The following PREX2 variants were observed in gnomAD, a reference collection of about 807,000 sequenced individuals.
The protein encoded by PREX2 is phosphatidylinositol 3,4,5-trisphosphate-dependent Rac exchanger 2 protein.
A neutral mutation model predicts 203.2 loss-of-function variants in PREX2; 107 were observed. The observed-to-expected ratio is 0.53, with a 90% CI of 0.45 to 0.62. PREX2 has a LOEUF of 0.62. PREX2 is among the 20% of genes least tolerant of loss of function. The probability of loss-of-function intolerance (pLI) is 0.00; values close to 1 mark genes in which losing one functional copy is unlikely to be tolerated. For synonymous variants in PREX2, 672 were observed against 663.6 expected (o/e 1.01, Z -0.19); for missense variants, 1,777 against 1,955.9 (o/e 0.91, Z 1.72).
chr8:68,080,569 T>C lies in PREX2; in HGVS notation c.1769T>C (p.Ile590Thr). ...KHDLKVVENVIAKSLLIKSNE... is the reference protein window; with the variant it reads ...KHDLKVVENVTAKSLLIKSNE... The stretch of plus-strand genomic sequence containing the variant: ...GACTTAAAAGTTGTGGAAAATGTTA[T>C]AGCTAAGTCATTATTGGTAAGTTTA... The change falls in exon 16 of 40, where the codon ATA becomes ACA. Residue 590 changes from isoleucine (I) to threonine (T), a missense_variant. Coordinates refer to ENST00000288368, the MANE Select transcript of PREX2 (RefSeq NM_024870.4). 2 of 1,604,184 alleles carry C rather than the reference T, an allele frequency of 1.2e-6. No homozygotes were observed. Among genetic ancestry groups the C allele is most frequent in the Non-Finnish European group, 1.7e-6 (2 of 1,173,064 alleles).
At chr8:68,203,195 G>A (rs1435882198) in intron 37 of PREX2, among the ~76,000 whole-genome samples, 3 of 152,272 alleles carry the variant, frequency 2.0e-5, no homozygotes, top group South Asian at 2.1e-4. Flanking sequence ...AAGAATTAGT[G>A]CTTTACCAGC....
At chr8:68,211,188 C>A (rs549712944) in intron 37 of PREX2, among the ~76,000 whole-genome samples, 1 of 152,262 alleles carries the variant, frequency 6.6e-6, no homozygotes, top group African/African-American at 2.4e-5. Context: ...CCTGAAAAAA[C>A]AATCACAAAG....
intron 35 of PREX2, among the ~76,000 whole-genome samples, chr8:68,167,162 G>GA (rs1272499962): frequency 6.6e-6 from 1 of 151,930 alleles, no homozygotes; most frequent in Non-Finnish European, 1.5e-5. Context: ...TTTAAGCCAC[G>GA]ATTCACACTG....
intron 1 of PREX2, among the ~76,000 whole-genome samples, chr8:68,007,849 T>A (rs907402202): frequency 6.6e-5 from 10 of 152,198 alleles, no homozygotes; most frequent in Non-Finnish European, 1.3e-4. Flanking sequence ...GACCTCATGA[T>A]CCGCCCACCT....
chr8:68,068,979 AT>A, intron 11 of PREX2, 53 bp from the exon 12 acceptor site: 1 of 694,958 alleles, frequency 1.4e-6, no homozygotes, highest in Non-Finnish European at 2.3e-6. Context: ...TTTGCTGTTT[AT>A]CTGCCCCCTT....
At chr8:67,959,406 A>G (rs145896646) in intron 1 of PREX2, among the ~76,000 whole-genome samples, 521 of 152,258 alleles carry the variant, frequency 3.4e-3, no homozygotes, top group African/African-American at 0.012. Context: ...TGGATAAACT[A>G]TTCAAGGAGT....
chr8:68,031,029 A>G (rs561741404), intron 6 of PREX2, among the ~76,000 whole-genome samples: 73 of 152,264 alleles, frequency 4.8e-4, no homozygotes, highest in African/African-American at 1.5e-3. Flanking sequence ...GTGTGCTGTG[A>G]TATTACTTTC....
At chr8:68,055,624 G>C (rs1808653283) in intron 9 of PREX2, among the ~76,000 whole-genome samples, 1 of 152,094 alleles carries the variant, frequency 6.6e-6, no homozygotes, top group African/African-American at 2.4e-5. Context: ...TTTGCACAAA[G>C]GTGACATATA....
At chr8:68,085,544 T>A (rs1809655543) in intron 18 of PREX2, among the ~76,000 whole-genome samples, 1 of 152,198 alleles carries the variant, frequency 6.6e-6, no homozygotes, top group African/African-American at 2.4e-5. Context: ...CTATATTTCA[T>A]ACTTGATAGC....
chr8:68,205,098 G>A (rs1046478828), intron 37 of PREX2, among the ~76,000 whole-genome samples: 2 of 152,166 alleles, frequency 1.3e-5, no homozygotes, highest in Non-Finnish European at 2.9e-5. Flanking sequence ...TTTAACAAGA[G>A]TCAAATGATC....
rs558868045 is a variant in PREX2, at chr8:68,104,254, C to T, written c.2716-3855C>T. On this transcript the variant is annotated intron_variant, in intron 23 of 39. Transcript: ENST00000288368. ...TGGTATCTTTGCTGCTACCGACCAA[C>T]CCACAGTTGTCCTGAGTGGCTGTAC... Among the ~76,000 whole-genome samples, 16 of 152,320 alleles carry T rather than the reference C, an allele frequency of 1.1e-4. No individual in the cohort carries two copies. In the South Asian group the frequency reaches 3.1e-3, roughly 30 times the overall value.
At chr8:68,096,241 T>G (rs1810068794) in intron 21 of PREX2, among the ~76,000 whole-genome samples, 1 of 152,220 alleles carries the variant, frequency 6.6e-6, no homozygotes, top group African/African-American at 2.4e-5. Context: ...GAAATTGATT[T>G]GTAGCTATTC....
chr8:68,114,712 CT>C (rs1810606297), intron 25 of PREX2, among the ~76,000 whole-genome samples: 1 of 152,306 alleles, frequency 6.6e-6, no homozygotes, highest in South Asian at 2.1e-4. Flanking sequence ...ACATTTCATC[CT>C]GGCTGGCTTG....
chr8:68,209,690 G>A (rs943929895), intron 37 of PREX2, among the ~76,000 whole-genome samples: 2 of 152,044 alleles, frequency 1.3e-5, no homozygotes, highest in Non-Finnish European at 2.9e-5. Context: ...ATTCTACATT[G>A]GGGAAAAACT....
intron 23 of PREX2, chr8:68,100,114 A>G (rs1247888804): frequency 5.2e-6 from 3 of 572,936 alleles, no homozygotes; most frequent in East Asian, 4.2e-5. Context: ...AGTAAAAGAT[A>G]GAGCTGGGCA....
rs555233691 is a variant in PREX2, at chr8:68,174,352, G to T, written c.4346+16916G>T. Among the ~76,000 whole-genome samples the T allele has an allele frequency of 6.6e-5, 10 of 152,224 alleles. No individual in the cohort carries two copies. The East Asian group carries it at 1.9e-3, about 29-fold the overall frequency. On this transcript the variant is annotated intron_variant, in intron 35 of 39. Coordinates refer to ENST00000288368, the MANE Select transcript of PREX2 (RefSeq NM_024870.4). ...TTAGATTTATAAAATTAGCTGCCTG[G>T]TTAAATGCTGCCCTACCTCCCCCCA...
At chr8:68,194,106 A>G (rs1812348281) in intron 37 of PREX2, among the ~76,000 whole-genome samples, 1 of 152,238 alleles carries the variant, frequency 6.6e-6, no homozygotes, top group African/African-American at 2.4e-5. Context: ...TAGCAAAGAA[A>G]TAATATCTTC....
intron 37 of PREX2, among the ~76,000 whole-genome samples, chr8:68,198,332 A>G (rs1162580978): frequency 6.6e-6 from 1 of 152,206 alleles, no homozygotes; most frequent in Admixed American, 6.5e-5. Flanking sequence ...TTATATTTAT[A>G]TACCTGCTTT....
At chr8:68,195,488 AT>A (rs1812376496) in intron 37 of PREX2, among the ~76,000 whole-genome samples, 1 of 152,124 alleles carries the variant, frequency 6.6e-6, no homozygotes, top group East Asian at 1.9e-4. Context: ...ATACTCTTTA[AT>A]TTTTCAGTGA....
Sources: gnomAD v4.1 joint callset for allele counts (sites outside exome capture counted in the v4.1 genomes callset) on GRCh38, gnomAD v4.1.1 for gene constraint, MANE v1.5 for transcripts, NCBI Gene and HGNC (gene_info 2026-07-23, HGNC 2026-07-21) for gene names.